NDE1: variants seen among roughly 807,000 people sequenced by gnomAD.
The protein encoded by NDE1 is nudE neurodevelopment protein 1, also known as nuclear distribution protein nudE homolog 1.
Under a neutral mutation model 43.4 loss-of-function variants are expected in NDE1, and 28 were observed. The ratio of observed to expected loss-of-function variants is 0.65; its 90% CI spans 0.48 to 0.89. The LOEUF (loss-of-function observed/expected upper bound fraction) is 0.89. NDE1 is among the 40% of genes least tolerant of loss of function. The pLI is 0.00. For missense variants in NDE1, 441 were observed against 434.1 expected, an observed-to-expected ratio of 1.02 and a Z score of -0.14; for synonymous variants, 184 against 172.0, an observed-to-expected ratio of 1.07 and a Z score of -0.55.
intron 8 of NDE1, 74 bp downstream of exon 8, chr16:15,696,934 G>C: frequency 1.3e-6 from 2 of 1,584,490 alleles, no homozygotes; most frequent in Admixed American, 1.8e-5. Flanking sequence ...CTCACCCCCA[G>C]CCCACAGCCA....
chr16:15,722,520 G>A (rs75885182), intron 8 of NDE1, among the ~76,000 whole-genome samples: 3,069 of 152,256 alleles, frequency 0.02, 134 homozygotes, highest in East Asian at 0.18. Context: ...CCCACACTAT[G>A]TGTGCCACTG....
At chr16:15,715,964 A>G (rs2040107612) in intron 8 of NDE1, among the ~76,000 whole-genome samples, 1 of 151,982 alleles carries the variant, frequency 6.6e-6, no homozygotes, top group South Asian at 2.1e-4. Flanking sequence ...CATCCCTACT[A>G]AAAAATACAA....
intron 1 of NDE1, among the ~76,000 whole-genome samples, chr16:15,659,577 C>T (rs1362891549): frequency 6.6e-6 from 1 of 151,146 alleles, no homozygotes; most frequent in Admixed American, 6.6e-5. Flanking sequence ...GTGGGGATTA[C>T]AGGCGCACAC....
intron 3 of NDE1, among the ~76,000 whole-genome samples, chr16:15,668,498 C>T (rs924104406): frequency 3.3e-5 from 5 of 152,014 alleles, no homozygotes; most frequent in South Asian, 2.1e-4. Flanking sequence ...CTCCTGGACG[C>T]GAGCAGTCCT....
In NDE1 at chr16:15,696,697, A is replaced by G; in HGVS notation, c.796-12A>G. ...CCTATAACTTGAGAGATAAAAGTGTATTTCTGTCCAGGCACTGGAGTCCAA... is the reference window on the plus strand; with the variant it reads ...CCTATAACTTGAGAGATAAAAGTGTGTTTCTGTCCAGGCACTGGAGTCCAA... On this transcript the variant is annotated splice_polypyrimidine_tract_variant and intron_variant, in intron 7 of 8. Transcript: ENST00000396354. 6.2e-7 allele frequency: 1 copy of G among 1,614,194 alleles called. No individual in the cohort carries two copies. Among genetic ancestry groups the G allele is most frequent in the Non-Finnish European group, 8.5e-7 (1 of 1,180,050 alleles).
chr16:15,691,909 G>T (rs978589287), intron 6 of NDE1, among the ~76,000 whole-genome samples: 1 of 151,970 alleles, frequency 6.6e-6, no homozygotes, highest in South Asian at 2.1e-4. Context: ...GGGATTACAG[G>T]TGTGAGCCAC....
chr16:15,686,188 G>T (rs988733549), intron 4 of NDE1, among the ~76,000 whole-genome samples: 1 of 152,092 alleles, frequency 6.6e-6, no homozygotes, highest in African/African-American at 2.4e-5. Context: ...CTGACCTCAA[G>T]TGATCCGCCC....
rs527398443 is a variant in NDE1 at position 15,652,436 on chromosome 16, A to G, written c.-44+2142A>G. On this transcript the variant is annotated intron_variant, in intron 1 of 8. Coordinates refer to ENST00000396354, the MANE Select transcript of NDE1 (RefSeq NM_017668.3). ...TCCTAACATGAGCATTCCTGTGTAC[A>G]GAAAGTTTGTGCCTGCAGTTAGTAC... is the stretch of plus-strand genomic sequence containing the variant. Among the ~76,000 whole-genome samples the G allele has an allele frequency of 2.1e-4, 32 of 152,328 alleles. No individual in the cohort carries two copies. In the Middle Eastern group the frequency reaches 0.02, roughly 97 times the overall value.
Position 15,664,804 on chromosome 16 carries a change from G to T in NDE1, c.26G>T (p.Ser9Ile), listed in dbSNP as rs749487383. Residue 9 changes from serine (S) to isoleucine (I), a missense_variant, in exon 2 of 9, where the codon AGC (serine) becomes ATC (isoleucine). By Grantham distance (142) the Ser-to-Ile change is moderately radical. Coordinates refer to ENST00000396354, the MANE Select transcript of NDE1 (RefSeq NM_017668.3). MEDSGKTF[S>I]SEEEEANYWK... ...ATGGAGGACTCCGGAAAGACTTTCAGCTCCGAGGAGGAAGAAGCTAACTAT... is the reference window on the plus strand; with the variant it reads ...ATGGAGGACTCCGGAAAGACTTTCATCTCCGAGGAGGAAGAAGCTAACTAT... The T allele has an allele frequency of 1.9e-6, 3 of 1,613,588 alleles. No homozygotes were observed. The highest frequency in any genetic ancestry group is 2.5e-6 in the Non-Finnish European group (3 of 1,179,728).
chr16:15,695,203 C>CTTTTTTTTTTTTTTTTTTTTTTTTTTTTT, intron 7 of NDE1, among the ~76,000 whole-genome samples: 1 of 79,680 alleles, frequency 1.3e-5, no homozygotes, highest in Non-Finnish European at 2.3e-5. Context: ...AAACTGCCAC[C>CTTTTTTTTTTTTTTTTTTTTTTTTTTTTT]TTTTTTTTTT....
chr16:15,694,654 A>G (rs556609096), intron 7 of NDE1: 1 of 985,224 alleles, frequency 1.0e-6, no homozygotes, highest in East Asian at 1.1e-4. Flanking sequence ...AGCCCCTTTC[A>G]TAGCAGTGTG....
chr16:15,710,971 C>T (rs1255647390), intron 8 of NDE1: 2 of 152,464 alleles, frequency 1.3e-5, no homozygotes, highest in Admixed American at 1.3e-4. Flanking sequence ...AGCCACCGCG[C>T]TTTGCCCCAG....
chr16:15,673,977 T>C (rs1022682138), intron 3 of NDE1, among the ~76,000 whole-genome samples: 11 of 152,106 alleles, frequency 7.2e-5, no homozygotes, highest in African/African-American at 2.7e-4. Flanking sequence ...TTGCTACTGG[T>C]TGATTCTGGG....
intron 8 of NDE1, among the ~76,000 whole-genome samples, chr16:15,711,836 G>A (rs1010572716): frequency 3.9e-5 from 6 of 152,120 alleles, no homozygotes; most frequent in African/African-American, 1.4e-4. Flanking sequence ...GGGATTACAG[G>A]CACGCCCCAC....
chr16:15,669,508 C>T (rs2037484432), intron 3 of NDE1, among the ~76,000 whole-genome samples: 1 of 152,030 alleles, frequency 6.6e-6, no homozygotes, highest in Non-Finnish European at 1.5e-5. Flanking sequence ...ATTACAGGCA[C>T]ACACCGCCAT....
intron 8 of NDE1, among the ~76,000 whole-genome samples, chr16:15,719,932 G>A (rs899375867): frequency 7.9e-5 from 12 of 152,304 alleles, no homozygotes; most frequent in South Asian, 2.1e-4. Context: ...CTGAGCCCCT[G>A]ATGTGATCTG....
Position 15,699,647 on chromosome 16 carries a change from C to T in NDE1, c.947+2787C>T, listed in dbSNP as rs779579933. On this transcript the variant is annotated intron_variant, in intron 8 of 8. Coordinates refer to ENST00000396354, the MANE Select transcript of NDE1 (RefSeq NM_017668.3). ...CCCTGCTCCTGACTCTTGATGTTCACCCTTATAACTCTCTGGGCCCCGGTG... is the reference window on the plus strand; with the variant it reads ...CCCTGCTCCTGACTCTTGATGTTCATCCTTATAACTCTCTGGGCCCCGGTG... 1.6e-5 allele frequency: 21 copies of T among 1,292,550 alleles called. No homozygotes were observed. In the South Asian group the frequency reaches 2.6e-4, roughly 16 times the overall value. The allele number at this position is 1,292,550 out of a possible 1,614,324, so 80.1% of individuals were successfully genotyped here.
At chr16:15,643,570 C>CTT in exon 1 of NDE1, 14 of 267,478 alleles carry the variant, frequency 5.2e-5, no homozygotes, top group South Asian at 9.4e-5. Flanking sequence ...GTCCCTTCGG[C>CTT]TTTTTTTTTT....
chr16:15,664,654 C>G (rs1179572365), intron 1 of NDE1, 82 bp from the exon 2 acceptor site: 10 of 825,726 alleles, frequency 1.2e-5, no homozygotes, highest in South Asian at 3.0e-5. Flanking sequence ...CGCGCCTGGC[C>G]AAGTTTTTTT....
Sources: allele counts gnomAD v4.1 joint callset (sites outside exome capture counted in the v4.1 genomes callset), GRCh38; gene constraint gnomAD v4.1.1; transcripts MANE v1.5; gene names NCBI Gene and HGNC (gene_info 2026-07-23, HGNC 2026-07-21).